Variants in GBP5 observed in about 807,000 individuals in gnomAD.
The protein encoded by GBP5 is guanylate-binding protein 5.
Under a neutral mutation model 58.2 loss-of-function variants are expected in GBP5, and 48 were observed. That is an observed-to-expected ratio of 0.83 (90% confidence interval 0.65 to 1.05). GBP5 has a LOEUF of 1.05. GBP5 is among the 50% of genes least tolerant of loss of function. The pLI, the probability that GBP5 is intolerant of heterozygous loss-of-function variation, is 0.00. For synonymous variants in GBP5, 248 were observed against 251.8 expected, an observed-to-expected ratio of 0.98 and a Z score of 0.14; for missense variants, 714 against 686.8, an observed-to-expected ratio of 1.04 and a Z score of -0.44.
Position 89,268,811 on chromosome 1 carries a change from C to G in GBP5, c.236G>C (p.Trp79Ser), listed in dbSNP as rs532578220. 6.2e-7 allele frequency: 1 copy of G among 1,613,752 alleles called. No homozygotes were observed. Among genetic ancestry groups the G allele is most frequent in the African/African-American group, 1.3e-5 (1 of 74,980 alleles). ...STVQSHTKGI[W>S]IWCVPHPNWP... ...GTTGGGATGAGGCACACACCATATCCAAATTCCCTTGGTGTGAGACTGCAC... is the reference window on the plus strand; with the variant it reads ...GTTGGGATGAGGCACACACCATATCGAAATTCCCTTGGTGTGAGACTGCAC... Residue 79 changes from tryptophan (W) to serine (S), a missense_variant, in exon 4 of 12, where the codon TGG (tryptophan) becomes TCG (serine). Transcript: ENST00000370459.
intron 1 of GBP5, 46 bp from the exon 2 acceptor site, chr1:89,270,908 G>A (rs1163806581): frequency 6.6e-6 from 1 of 152,196 alleles, no homozygotes; most frequent in Non-Finnish European, 1.5e-5. Flanking sequence ...AGCAGATATT[G>A]AGAGCTTACA....
In GBP5 at chr1:89,258,275, A is replaced by T. The variant is rs1047692643; in HGVS notation, c.*2429T>A. On this transcript the variant is annotated 3_prime_UTR_variant, in exon 12 of 12. Coordinates refer to ENST00000370459, the MANE Select transcript of GBP5 (RefSeq NM_052942.5). ...TTGTAACATGGTCTAGGTTAACAGT[A>T]ACAAGGTGTGAAACCTTAAATGACT... is the stretch of plus-strand genomic sequence containing the variant. Among the ~76,000 whole-genome samples the T allele has an allele frequency of 6.6e-6, 1 of 152,234 alleles. No homozygotes were observed. Among genetic ancestry groups the T allele is most frequent in the Non-Finnish European group, 1.5e-5 (1 of 68,034 alleles).
chr1:89,262,428 A>G, intron 10 of GBP5, 27 bp from the exon 11 acceptor site: 2 of 1,590,058 alleles, frequency 1.3e-6, no homozygotes, highest in Non-Finnish European at 1.7e-6. Flanking sequence ...AATCTTCTCT[A>G]GGATTAATGT....
Position 89,267,539 on chromosome 1 carries a change from C to A in GBP5, c.319-13G>T, listed in dbSNP as rs757488341. ...TCTTGTTGTCAGCCTAGAAGTCAGA[C>A]CAAATTTAAGTCATGTCTCATGGGA... On this transcript the variant is annotated splice_polypyrimidine_tract_variant and intron_variant, in intron 4 of 11. Transcript: ENST00000370459. 2 of 1,574,768 alleles carry A rather than the reference C, an allele frequency of 1.3e-6. No homozygotes were observed. Among genetic ancestry groups the A allele is most frequent in the Admixed American group, 1.7e-5 (1 of 59,936 alleles).
At chr1:89,267,594 C>A in intron 4 of GBP5, 68 bp from the exon 5 acceptor site, 1 of 868,142 alleles carries the variant, frequency 1.2e-6, no homozygotes, top group Non-Finnish European at 2.0e-6. Context: ...TAAAAATAGG[C>A]TCTTGTCATA....
In GBP5 at chr1:89,258,203, G is replaced by T. The variant is rs1649855402; in HGVS notation, c.*2501C>A. Among the ~76,000 whole-genome samples the T allele has an allele frequency of 2.0e-5, 3 of 152,038 alleles. No homozygotes were observed. The highest frequency in any genetic ancestry group is 2.0e-4 in the Admixed American group (3 of 15,258). On this transcript the variant is annotated 3_prime_UTR_variant, in exon 12 of 12. Transcript: ENST00000370459. ...CAGCATGCCTCTCTGGTTTTTGGTG[G>T]GGGAGATATAATAGCAAAAGTTAAA...
chr1:89,268,989 G>T (rs1650335504), intron 3 of GBP5, 133 bp from the exon 4 acceptor site: 2 of 864,360 alleles, frequency 2.3e-6, no homozygotes, highest in African/African-American at 1.7e-5. Flanking sequence ...TGATTTGAAT[G>T]ATGATGCAGA....
chr1:89,266,819 T>C (rs990791580), intron 6 of GBP5, 138 bp downstream of exon 6: 3 of 614,672 alleles, frequency 4.9e-6, no homozygotes, highest in African/African-American at 3.9e-5. Context: ...TAAACAAAAA[T>C]ATTTATTATT....
rs1649827428 is a variant in GBP5 at position 89,257,526 on chromosome 1, C to G, written c.*3178G>C. Reference sequence around the variant, plus strand: ...TAAATTCAAAAGGCCTTCTGTGGTACTGACCTTAATTTATTTAATTTCAAT... The same window carrying G: ...TAAATTCAAAAGGCCTTCTGTGGTAGTGACCTTAATTTATTTAATTTCAAT... On this transcript the variant is annotated 3_prime_UTR_variant, in exon 12 of 12. Transcript: ENST00000370459. Among the ~76,000 whole-genome samples the G allele has an allele frequency of 6.6e-6, 1 of 152,108 alleles. No individual in the cohort carries two copies. The highest frequency in any genetic ancestry group is 1.9e-4 in the East Asian group (1 of 5,200).
chr1:89,263,738 G>A lies in GBP5; in HGVS notation c.1360C>T (p.Gln454Ter). The change falls in exon 9 of 12, where the codon CAG (glutamine) becomes TAG (stop). Residue 454 changes from glutamine (Q) to a stop codon, truncating the protein, a stop_gained and splice_region_variant. Coordinates refer to ENST00000370459, the MANE Select transcript of GBP5 (RefSeq NM_052942.5). LOFTEE classifies it high-confidence loss of function. ...ACAATAGGTAGAACTAGGGATACCT[G>A]TATTCCTTTCCGAGGCTCCCGATAG... ...KYYREPRKGI[Q>*]AEEVLQKYLK... 1 of 1,608,050 alleles carries A rather than the reference G, an allele frequency of 6.2e-7. No individual in the cohort carries two copies. The highest frequency in any genetic ancestry group is 8.5e-7 in the Non-Finnish European group (1 of 1,174,864).
chr1:89,264,814 C>T lies in GBP5; in HGVS notation c.1021G>A (p.Val341Met). 2 of 1,614,208 alleles carry T rather than the reference C, an allele frequency of 1.2e-6. No homozygotes were observed. The highest frequency in any genetic ancestry group is 2.2e-5 in the South Asian group (2 of 91,088). The stretch of plus-strand genomic sequence containing the variant: ...TGGAGGGTTTCCATGGGCAGCTGCA[C>T]TTTCTGGCCCATTTGCTGGTCATAG... ...AHYDQQMGQKVQLPMETLQEL... is the reference protein window; with the variant it reads ...AHYDQQMGQKMQLPMETLQEL... Residue 341 changes from valine (V) to methionine (M), a missense_variant, in exon 8 of 12, where the codon GTG becomes ATG. Transcript: ENST00000370459.
At chr1:89,268,278 T>C (rs191370630) in intron 4 of GBP5, among the ~76,000 whole-genome samples, 5 of 152,364 alleles carry the variant, frequency 3.3e-5, no homozygotes, top group Non-Finnish European at 5.9e-5. Context: ...GAAAGGCCCA[T>C]GTATCTACTG....
Position 89,266,517 on chromosome 1 carries a change from A to C in GBP5, c.697T>G (p.Cys233Gly), listed in dbSNP as rs762274852. The C allele has an allele frequency of 8.7e-6, 14 of 1,614,070 alleles. No individual in the cohort carries two copies. In the South Asian group the frequency reaches 1.5e-4, roughly 18 times the overall value. ...TGAGCAGGTAAGTCAAAGATAAAGC[A>C]TTTCTTTTTTGGAAAGAACTTCTGT... The part of the protein sequence containing the change: ...CIQKFFPKKK[C>G]FIFDLPAHQK... Residue 233 changes from cysteine (C) to glycine (G), a missense_variant, in exon 7 of 12, where the codon TGC becomes GGC. Coordinates refer to ENST00000370459, the MANE Select transcript of GBP5 (RefSeq NM_052942.5).
chr1:89,268,924 C>G, intron 3 of GBP5, 68 bp from the exon 4 acceptor site: 1 of 1,533,610 alleles, frequency 6.5e-7, no homozygotes, highest in Non-Finnish European at 9.0e-7. Context: ...CTTGATCATT[C>G]AGCTAGAGTT....
rs1570409865 is a variant in GBP5 at position 89,262,254 on chromosome 1, G to T, written c.1613C>A (p.Ala538Glu). Residue 538 changes from alanine to glutamate, a missense_variant, in exon 11 of 12, where the codon GCA becomes GAA. Coordinates refer to ENST00000370459, the MANE Select transcript of GBP5 (RefSeq NM_052942.5). Reference sequence around the variant, plus strand: ...TTGTTCCTGCATTTTCTGTTGCTCTGCCAGCCAATTTTGTTTGGCTATCTC... The same window carrying T: ...TTGTTCCTGCATTTTCTGTTGCTCTTCCAGCCAATTTTGTTTGGCTATCTC... Reference protein sequence around the residue: ...QMEIAKQNWLAEQQKMQEQQM... With the variant: ...QMEIAKQNWLEEQQKMQEQQM... 1.2e-6 allele frequency: 2 copies of T among 1,614,048 alleles called. No individual in the cohort carries two copies. The highest frequency in any genetic ancestry group is 1.7e-6 in the Non-Finnish European group (2 of 1,179,972).
chr1:89,266,683 A>G, intron 6 of GBP5, 95 bp from the exon 7 acceptor site: 5 of 1,158,422 alleles, frequency 4.3e-6, no homozygotes, highest in Middle Eastern at 2.9e-4. Flanking sequence ...GATGTCACTT[A>G]GATTAATATA....
Position 89,269,502 on chromosome 1 carries a change from A to G in GBP5, c.54T>C (p.Asn18=), listed in dbSNP as rs1159881086. 2 of 1,613,948 alleles carry G rather than the reference A, an allele frequency of 1.2e-6. No homozygotes were observed. Among genetic ancestry groups the G allele is most frequent in the Non-Finnish European group, 1.7e-6 (2 of 1,179,940 alleles). Reference sequence around the variant, plus strand: ...CTTCCTGATTAACCTTCAGCTGCTCATTAAAGTTCTCGATGAGGCACATGG... The same window carrying G: ...CTTCCTGATTAACCTTCAGCTGCTCGTTAAAGTTCTCGATGAGGCACATGG... ...SDPMCLIENF[N]EQLKVNQEAL... The change falls in exon 3 of 12, where the codon AAT becomes AAC. Residue 18 remains asparagine, a synonymous_variant. Coordinates refer to ENST00000370459, the MANE Select transcript of GBP5 (RefSeq NM_052942.5).
Position 89,257,437 on chromosome 1 carries a change from A to C in GBP5, c.*3267T>G, listed in dbSNP as rs115161145. On this transcript the variant is annotated 3_prime_UTR_variant, in exon 12 of 12. Transcript: ENST00000370459. Reference sequence around the variant, plus strand: ...AATTCAAGATGAGATTTGAGTGGACACAGCCAAACCGTATCACTAAGCAAG... The same window carrying C: ...AATTCAAGATGAGATTTGAGTGGACCCAGCCAAACCGTATCACTAAGCAAG... Among the ~76,000 whole-genome samples, 2,081 of 152,344 alleles carry C rather than the reference A, an allele frequency of 0.014. 41 individuals carry two copies. The highest frequency in any genetic ancestry group is 0.047 in the African/African-American group (1,971 of 41,564).
intron 1 of GBP5, chr1:89,271,513 G>C (rs1650451244): frequency 6.6e-6 from 1 of 152,160 alleles, no homozygotes; most frequent in South Asian, 2.1e-4. Flanking sequence ...CTCAGAAGTG[G>C]TAGTGGAAGG....
Sources: allele counts gnomAD v4.1 joint callset (sites outside exome capture counted in the v4.1 genomes callset), GRCh38; gene constraint gnomAD v4.1.1; transcripts MANE v1.5; gene names NCBI Gene and HGNC (gene_info 2026-07-23, HGNC 2026-07-21).